Variants in FBXL17 observed in about 807,000 individuals in gnomAD.
The protein encoded by FBXL17 is F-box/LRR-repeat protein 17.
Under a neutral mutation model 66.2 loss-of-function variants are expected in FBXL17, and 22 were observed. That is an observed-to-expected ratio of 0.33 (90% CI 0.24 to 0.47). The LOEUF (loss-of-function observed/expected upper bound fraction) is 0.47, where lower values mean the gene tolerates loss of function less well. Among genes scored for constraint, FBXL17 ranks in the 20% least tolerant of loss-of-function variants. FBXL17 has a pLI of 1.00. For synonymous variants in FBXL17, 474 were observed against 400.5 expected, an observed-to-expected ratio of 1.18 and a Z score of -2.19; for missense variants, 878 against 948.2, an observed-to-expected ratio of 0.93 and a Z score of 0.97.
chr5:108,283,333 T>C (rs895024988), intron 4 of FBXL17, among the ~76,000 whole-genome samples: 3 of 151,934 alleles, frequency 2.0e-5, no homozygotes, highest in African/African-American at 7.2e-5. Context: ...AGCATGGTAC[T>C]GGTATAAAAA....
intron 5 of FBXL17, among the ~76,000 whole-genome samples, chr5:108,187,771 C>T (rs1753298939): frequency 6.6e-6 from 1 of 152,180 alleles, no homozygotes; most frequent in African/African-American, 2.4e-5. Context: ...CAGCTGACAC[C>T]TTGAATTTAG....
chr5:108,316,538 A>G (rs1231209670), intron 4 of FBXL17, among the ~76,000 whole-genome samples: 3 of 151,446 alleles, frequency 2.0e-5, no homozygotes, highest in African/African-American at 7.2e-5. Flanking sequence ...GCTATCTTCA[A>G]ACATGAACTC....
chr5:108,073,584 A>AT (rs1391613341), intron 6 of FBXL17, among the ~76,000 whole-genome samples: 1 of 152,212 alleles, frequency 6.6e-6, no homozygotes, highest in Non-Finnish European at 1.5e-5. Flanking sequence ...AACCTGCTCT[A>AT]TCTGGAAGGC....
rs1749930094 is a variant in FBXL17, at chr5:107,910,902, T to C, written c.1823-29723A>G. On this transcript the variant is annotated intron_variant, in intron 7 of 8. Coordinates refer to ENST00000542267, the MANE Select transcript of FBXL17 (RefSeq NM_001163315.3). ...TTATTAAAGGACATTAAGGAAGACCTGAAATGGAGAGCTATACCAAATTTA... is the reference window on the plus strand; with the variant it reads ...TTATTAAAGGACATTAAGGAAGACCCGAAATGGAGAGCTATACCAAATTTA... Among the ~76,000 whole-genome samples the C allele has an allele frequency of 2.0e-5, 3 of 152,216 alleles. 1 individual carries two copies. The South Asian group carries it at 6.2e-4, about 32-fold the overall frequency.
intron 6 of FBXL17, among the ~76,000 whole-genome samples, chr5:108,080,815 G>T (rs965147868): frequency 6.6e-6 from 1 of 152,056 alleles, no homozygotes; most frequent in Non-Finnish European, 1.5e-5. Context: ...TAAGATAAGG[G>T]GTCCTGGGGA....
At chr5:108,068,461 G>A (rs1168988874) in intron 6 of FBXL17, among the ~76,000 whole-genome samples, 1 of 138,908 alleles carries the variant, frequency 7.2e-6, no homozygotes, top group Non-Finnish European at 1.5e-5. Context: ...CTTTTTTTGG[G>A]GGGGGGGCGG....
rs191208150 is a variant in FBXL17 at position 107,975,046 on chromosome 5, T to C, written c.1822+45879A>G. Among the ~76,000 whole-genome samples the C allele has an allele frequency of 2.0e-3, 308 of 152,300 alleles. 3 individuals are homozygous for C. Among genetic ancestry groups the C allele is most frequent in the Middle Eastern group, 0.014 (4 of 294 alleles). On this transcript the variant is annotated intron_variant, in intron 7 of 8. Transcript: ENST00000542267. ...CTGCCCTAGACGAGAGTCCTAAAAA[T>C]ATAGTAAGATTATAGTCTTTGTTCT...
At chr5:108,011,528 G>A (rs1754169343) in intron 7 of FBXL17, among the ~76,000 whole-genome samples, 1 of 152,186 alleles carries the variant, frequency 6.6e-6, no homozygotes, top group Admixed American at 6.5e-5. Flanking sequence ...ATGGGGCTGG[G>A]TGCAGTGGCT....
rs1747219072 is a variant in FBXL17 at position 108,045,461 on chromosome 5, TAAC to T, written c.1746-24463_1746-24461del. ...TGTCTCAAAATAATAATAATAATAA[TAAC>T]AATAATAATTTCTTTCCTTCTGCTA... On this transcript the variant is annotated intron_variant, in intron 6 of 8. Coordinates refer to ENST00000542267, the MANE Select transcript of FBXL17 (RefSeq NM_001163315.3). Among the ~76,000 whole-genome samples the T allele has an allele frequency of 2.3e-5, 3 of 130,882 alleles. No homozygotes were observed. In the South Asian group the frequency reaches 7.8e-4, roughly 34 times the overall value. 85.9% of individuals were successfully genotyped at this position (130,882 alleles called of 152,430 possible).
intron 4 of FBXL17, among the ~76,000 whole-genome samples, chr5:108,321,883 A>G (rs1055095664): frequency 6.6e-6 from 1 of 151,936 alleles, no homozygotes; most frequent in Non-Finnish European, 1.5e-5. Context: ...TTAGCAACTC[A>G]GTAGAAAAAT....
intron 8 of FBXL17, among the ~76,000 whole-genome samples, chr5:107,864,436 C>T (rs1300108718): frequency 3.9e-5 from 6 of 152,164 alleles, no homozygotes; most frequent in African/African-American, 1.4e-4. Flanking sequence ...GAGCAGATTC[C>T]AGAACTCTCC....
intron 6 of FBXL17, among the ~76,000 whole-genome samples, chr5:108,127,863 T>C (rs1750782154): frequency 6.6e-6 from 1 of 152,202 alleles, no homozygotes; most frequent in Admixed American, 6.5e-5. Context: ...AATCTTTGAA[T>C]AATAACCCCC....
At chr5:108,245,136 A>G (rs1756036848) in intron 4 of FBXL17, among the ~76,000 whole-genome samples, 1 of 152,180 alleles carries the variant, frequency 6.6e-6, no homozygotes. Flanking sequence ...TAAATGTATA[A>G]TATTCCATAA....
At chr5:107,865,683 A>C (rs1417251777) in intron 8 of FBXL17, among the ~76,000 whole-genome samples, 4 of 152,184 alleles carry the variant, frequency 2.6e-5, no homozygotes, top group African/African-American at 7.2e-5. Flanking sequence ...AAATTCTAGG[A>C]AACAAAGCAG....
intron 7 of FBXL17, among the ~76,000 whole-genome samples, chr5:107,967,194 T>C (rs1183367968): frequency 1.3e-5 from 2 of 152,002 alleles, no homozygotes; most frequent in African/African-American, 2.4e-5. Context: ...TCGTTTTAAA[T>C]TGTGTATACC....
rs187302408 is a variant in FBXL17 at position 108,022,125 on chromosome 5, A to T, written c.1746-1124T>A. 2.1e-3 allele frequency among the ~76,000 whole-genome samples: 322 copies of T among 152,008 alleles called. 2 individuals are homozygous for T. Among genetic ancestry groups the T allele is most frequent in the African/African-American group, 7.2e-3 (299 of 41,554 alleles). ...TATGTTTTTTAAAAATTTTTTATGG[A>T]ATTTTGTTTTAATGGAATGATAAAC... On this transcript the variant is annotated intron_variant, in intron 6 of 8. Coordinates refer to ENST00000542267, the MANE Select transcript of FBXL17 (RefSeq NM_001163315.3).
At chr5:108,331,784 T>C (rs1004632371) in intron 4 of FBXL17, among the ~76,000 whole-genome samples, 1 of 151,996 alleles carries the variant, frequency 6.6e-6, no homozygotes, top group East Asian at 1.9e-4. Context: ...AACCCGTATA[T>C]CAAGTCACAG....
chr5:108,381,296 G>C lies in FBXL17; in HGVS notation c.396C>G (p.Ala132=). Reference sequence around the variant, plus strand: ...AGCAGGAGGCGGGCGACGAAGCCGAGGCGGCAGCGGCGGCGGCGGCGGCGG... The same window carrying C: ...AGCAGGAGGCGGGCGACGAAGCCGACGCGGCAGCGGCGGCGGCGGCGGCGG... ...SSAAAAAAAA[A]SASSPASCCK... Residue 132 remains alanine, a synonymous_variant, in exon 1 of 9, where the codon GCC becomes GCG. Coordinates refer to ENST00000542267, the MANE Select transcript of FBXL17 (RefSeq NM_001163315.3). The C allele has an allele frequency of 7.1e-7, 1 of 1,404,642 alleles. No individual in the cohort carries two copies. The highest frequency in any genetic ancestry group is 9.2e-7 in the Non-Finnish European group (1 of 1,084,272). The allele number at this position is 1,404,642 out of a possible 1,614,324, so 87.0% of individuals were successfully genotyped here.
At chr5:108,033,644 A>T (rs1746727398) in intron 6 of FBXL17, among the ~76,000 whole-genome samples, 1 of 152,190 alleles carries the variant, frequency 6.6e-6, no homozygotes, top group Non-Finnish European at 1.5e-5. Flanking sequence ...AGTAGTACAC[A>T]CGTAGTAGGT....
Sources: gnomAD v4.1 joint callset for allele counts (sites outside exome capture counted in the v4.1 genomes callset) on GRCh38, gnomAD v4.1.1 for gene constraint, MANE v1.5 for transcripts, NCBI Gene and HGNC (gene_info 2026-07-23, HGNC 2026-07-21) for gene names.